The following CCDC88C variants were observed in gnomAD, a reference collection of about 807,000 sequenced individuals.
CCDC88C encodes protein Daple.
In CCDC88C, 131 loss-of-function variants were observed where a neutral mutation model predicts 198.8. That is an observed-to-expected ratio of 0.66 (90% CI 0.57 to 0.76). The LOEUF (loss-of-function observed/expected upper bound fraction) is 0.76. CCDC88C is among the 30% of genes least tolerant of loss of function. The pLI, the probability that CCDC88C is intolerant of heterozygous loss-of-function variation, is 0.00. For synonymous variants in CCDC88C, 1,166 were observed against 1,114.7 expected (o/e 1.05, Z -0.92); for missense variants, 2,553 against 2,631.6 (o/e 0.97, Z 0.65).
intron 3 of CCDC88C, among the ~76,000 whole-genome samples, chr14:91,387,452 C>G (rs1026632953): frequency 5.9e-5 from 9 of 152,220 alleles, no homozygotes; most frequent in African/African-American, 2.2e-4. Flanking sequence ...GGGAACCACA[C>G]ACGATATAGA....
intron 3 of CCDC88C, among the ~76,000 whole-genome samples, chr14:91,366,937 C>T (rs1894568623): frequency 6.6e-6 from 1 of 152,188 alleles, no homozygotes; most frequent in African/African-American, 2.4e-5. Flanking sequence ...TCATTTTCTC[C>T]GCAGGTGGGA....
intron 23 of CCDC88C, among the ~76,000 whole-genome samples, chr14:91,293,537 G>A (rs75890239): frequency 0.52 from 3,420 of 6,564 alleles, 986 homozygotes; most frequent in Middle Eastern, 0.69. Flanking sequence ...CACCTGCCAC[G>A]GCCCACCTTC....
In CCDC88C at chr14:91,314,113, C is replaced by T. The variant is rs772843353; in HGVS notation, c.1703G>A (p.Arg568Gln). 6.2e-5 allele frequency: 100 copies of T among 1,613,196 alleles called. No individual in the cohort carries two copies. Among genetic ancestry groups the T allele is most frequent in the African/African-American group, 1.1e-4 (8 of 75,026 alleles). Residue 568 changes from arginine (R) to glutamine (Q), a missense_variant, in exon 15 of 30, where the codon CGA becomes CAA. Coordinates refer to ENST00000389857, the MANE Select transcript of CCDC88C (RefSeq NM_001080414.4). ...DLEQEKDHLN[R>Q]AMWSLRERSQ... ...CCTCTCCCGCAGCGACCACATGGCT[C>T]GGTTGAGGTGGTCCTTTTCCTGCTC...
At chr14:91,385,621 G>C in intron 3 of CCDC88C, among the ~76,000 whole-genome samples, 1 of 152,160 alleles carries the variant, frequency 6.6e-6, no homozygotes, top group East Asian at 1.9e-4. Context: ...GCCCCTCTTT[G>C]GTAGTCCAGG....
chr14:91,350,337 T>C (rs1893733880), intron 4 of CCDC88C, among the ~76,000 whole-genome samples: 1 of 151,958 alleles, frequency 6.6e-6, no homozygotes, highest in African/African-American at 2.4e-5. Context: ...ATTTTTGTAT[T>C]TTTTAGTAGA....
At chr14:91,335,793 T>G (rs1010518201) in intron 10 of CCDC88C, among the ~76,000 whole-genome samples, 2 of 152,224 alleles carry the variant, frequency 1.3e-5, no homozygotes, top group African/African-American at 2.4e-5. Flanking sequence ...GTTCTAAGCA[T>G]CCTATGAGGA....
In CCDC88C at chr14:91,279,250, G is replaced by A. The variant is rs760861922; in HGVS notation, c.4756C>T (p.Leu1586Phe). ...GCACAAGACTTACCTTTTAGGTTAA[G>A]AGGTGAGCTGTTGCTGGATGTGTTT... ...SRNTSSNSSP[L>F]NLKGSSEQLH... The change falls in exon 28 of 30, where the codon CTT becomes TTT. Residue 1586 changes from leucine (L) to phenylalanine (F), a missense_variant. Leu to Phe is a conservative substitution (Grantham distance 22). This residue lies in a region of CCDC88C where 1,293 missense variants were observed against 1,219.6 expected (regional missense o/e 1.06). Transcript: ENST00000389857. 84 of 1,598,292 alleles carry A rather than the reference G, an allele frequency of 5.3e-5. No individual in the cohort carries two copies. Among genetic ancestry groups the A allele is most frequent in the East Asian group, 9.0e-5 (4 of 44,640 alleles).
At chr14:91,337,956 A>G in intron 10 of CCDC88C, 49 bp downstream of exon 10, 2 of 1,599,768 alleles carry the variant, frequency 1.3e-6, no homozygotes, top group South Asian at 2.2e-5. Flanking sequence ...TGTGCTTCTC[A>G]GGAATTTCCA....
At chr14:91,414,476 G>T (rs756798961) in intron 2 of CCDC88C, among the ~76,000 whole-genome samples, 1 of 152,110 alleles carries the variant, frequency 6.6e-6, no homozygotes, top group Non-Finnish European at 1.5e-5. Flanking sequence ...ATAATTTGAG[G>T]AGTTTTGGAA....
intron 3 of CCDC88C, among the ~76,000 whole-genome samples, chr14:91,392,870 T>C (rs1287685566): frequency 1.3e-5 from 2 of 151,650 alleles, no homozygotes; most frequent in Non-Finnish European, 2.9e-5. Flanking sequence ...GAGTCTGCAA[T>C]GTAGGGTGGG....
chr14:91,416,785 G>C lies in CCDC88C; in HGVS notation c.114C>G (p.Tyr38Ter), dbSNP rs45437097. 6.2e-7 allele frequency: 1 copy of C among 1,612,398 alleles called. No individual in the cohort carries two copies. The highest frequency in any genetic ancestry group is 1.3e-5 in the African/African-American group (1 of 74,852). ...GSGSQDNLTM[Y>*]MDLVDGIFLN... is the part of the protein sequence containing the mutation. ...AAAAGATGCCGTCCACTAAATCCAT[G>C]TACATAGTCAGGTTGTCCTGGCTGC... Residue 38 changes from tyrosine to a stop codon, truncating the protein, a stop_gained, in exon 2 of 30, where the codon TAC becomes TAG. Transcript: ENST00000389857. LOFTEE classifies it high-confidence loss of function.
rs371069846 is a variant in CCDC88C, at chr14:91,339,907, C to A, written c.601G>T (p.Asp201Tyr). ...ACCTCGGTGCACTCGTCCCGCTGGT[C>A]GATGAGCCTCCGCAGGTGGAGCACC... ...SMVLHLRRLI[D>Y]QRDECTELIV... The change falls in exon 7 of 30, where the codon GAC becomes TAC. Residue 201 changes from aspartate (D) to tyrosine (Y), a missense_variant. By Grantham distance (160) the Asp-to-Tyr change is radical. Around this residue, in one of 2 missense-constraint regions of CCDC88C, gnomAD observed 1,260 missense variants for 1,412.0 expected, o/e 0.89. Coordinates refer to ENST00000389857, the MANE Select transcript of CCDC88C (RefSeq NM_001080414.4). This position sits in a 1 kb window ranked among gnomAD's most constrained non-coding sequence, Gnocchi z 5.8. The A allele has an allele frequency of 2.2e-5, 35 of 1,591,086 alleles. No individual in the cohort carries two copies. The highest frequency in any genetic ancestry group is 2.9e-5 in the Non-Finnish European group (34 of 1,170,076).
At position 91,330,764 on chromosome 14, in the gene CCDC88C, G is replaced by A. The variant is rs1425794400; in HGVS notation, c.1051-4708C>T. On this transcript the variant is annotated intron_variant, in intron 10 of 29. Coordinates refer to ENST00000389857, the MANE Select transcript of CCDC88C (RefSeq NM_001080414.4). Reference sequence around the variant, plus strand: ...ATGACTCTGAACACACTGGCCTTGAGATGTCTCTGGATAACCCGGGTACAC... The same window carrying A: ...ATGACTCTGAACACACTGGCCTTGAAATGTCTCTGGATAACCCGGGTACAC... Among the ~76,000 whole-genome samples, 3 of 152,154 alleles carry A rather than the reference G, an allele frequency of 2.0e-5. No homozygotes were observed. The East Asian group carries it at 5.8e-4, about 29-fold the overall frequency.
intron 3 of CCDC88C, among the ~76,000 whole-genome samples, chr14:91,389,868 G>C (rs1389275630): frequency 5.9e-5 from 9 of 151,910 alleles, no homozygotes; most frequent in African/African-American, 1.2e-4. Context: ...GTCAGGAGAT[G>C]GAGACCATCC....
chr14:91,355,924 C>A (rs1894022953), intron 4 of CCDC88C, among the ~76,000 whole-genome samples: 1 of 151,832 alleles, frequency 6.6e-6, no homozygotes, highest in Non-Finnish European at 1.5e-5. Flanking sequence ...GCTATGTGCC[C>A]AAAACAGAAA....
intron 20 of CCDC88C, among the ~76,000 whole-genome samples, chr14:91,302,187 A>G (rs951327703): frequency 2.0e-5 from 3 of 152,214 alleles, no homozygotes; most frequent in African/African-American, 7.2e-5. Context: ...ATTCAATGAC[A>G]TTTGTGGCTC....
At chr14:91,280,101 C>G (rs994174256) in intron 27 of CCDC88C, 7 of 152,264 alleles carry the variant, frequency 4.6e-5, no homozygotes, top group African/African-American at 1.7e-4. Context: ...CTGGGCCACT[C>G]CTCCAGCGGC....
rs1468616454 is a variant in CCDC88C, at chr14:91,284,411, G to A, written c.4442-894C>T. ...ATGATTTGAAATCAAGGGGAAATTT[G>A]GATTTTGAAAGATAACCTTGATGAG... On this transcript the variant is annotated intron_variant, in intron 25 of 29. Coordinates refer to ENST00000389857, the MANE Select transcript of CCDC88C (RefSeq NM_001080414.4). This position sits in a 1 kb window ranked among gnomAD's most constrained non-coding sequence, Gnocchi z 4.1. Among the ~76,000 whole-genome samples, 1 of 152,162 alleles carries A rather than the reference G, an allele frequency of 6.6e-6. No homozygotes were observed. Among genetic ancestry groups the A allele is most frequent in the Non-Finnish European group, 1.5e-5 (1 of 68,024 alleles).
Position 91,408,425 on chromosome 14 carries a change from T to C in CCDC88C, c.270+234A>G, listed in dbSNP as rs1256598495. The C allele has an allele frequency of 1.3e-5, 6 of 477,722 alleles. No homozygotes were observed. In the Admixed American group the frequency reaches 1.6e-4, roughly 13 times the overall value. 29.6% of individuals were successfully genotyped at this position (477,722 alleles called of 1,614,324 possible). ...GCTCCTCTCTGGGACCTTCACAGCA[T>C]ATAGCACGATGCTACACACAGCTCA... On this transcript the variant is annotated intron_variant, in intron 3 of 29. Transcript: ENST00000389857.
Sources: allele counts gnomAD v4.1 joint callset (sites outside exome capture counted in the v4.1 genomes callset), GRCh38; gene constraint gnomAD v4.1.1; regional missense constraint gnomAD v4.1.1; non-coding constraint Gnocchi (gnomAD v3.1); transcripts MANE v1.5; gene names NCBI Gene and HGNC (gene_info 2026-07-23, HGNC 2026-07-21).